Variants in TP53AIP1 observed in about 807,000 individuals in gnomAD.
TP53AIP1 encodes p53-regulated apoptosis-inducing protein 1.
A neutral mutation model predicts 9.5 loss-of-function variants in TP53AIP1; 14 were observed. That is an observed-to-expected ratio of 1.47 (90% CI 0.97 to 2.30). TP53AIP1 has a LOEUF of 2.30. Ranked by LOEUF, TP53AIP1 falls within the 30% of genes most tolerant of loss-of-function variation. The pLI is 0.00. For missense variants in TP53AIP1, 153 were observed against 146.7 expected (o/e 1.04, Z -0.22); for synonymous variants, 73 against 61.2 (o/e 1.19, Z -0.90).
intron 1 of TP53AIP1, among the ~76,000 whole-genome samples, chr11:128,942,048 C>T (rs1307579136): frequency 6.6e-6 from 1 of 152,174 alleles, no homozygotes; most frequent in African/African-American, 2.4e-5. Context: ...CACTCTGCAT[C>T]CCCATACCTG....
chr11:128,942,355 G>A (rs745679240), intron 1 of TP53AIP1, among the ~76,000 whole-genome samples: 4 of 152,214 alleles, frequency 2.6e-5, no homozygotes, highest in Non-Finnish European at 5.9e-5. Context: ...ACCAGGGGAC[G>A]TGAGAAAGGG....
chr11:128,940,163 C>A (rs577562129), intron 1 of TP53AIP1, among the ~76,000 whole-genome samples: 1 of 152,158 alleles, frequency 6.6e-6, no homozygotes. Context: ...CCTTGGAGCC[C>A]CTGCACAGGA....
chr11:128,935,113 G>T, downstream of TP53AIP1: 2 of 712,072 alleles, frequency 2.8e-6, no homozygotes, highest in South Asian at 3.0e-5. Flanking sequence ...CAGCAGGAAT[G>T]ACTGTCCACT....
chr11:128,941,614 A>T (rs1226013182), intron 1 of TP53AIP1, among the ~76,000 whole-genome samples: 1 of 152,122 alleles, frequency 6.6e-6, no homozygotes, highest in Non-Finnish European at 1.5e-5. Context: ...CCCGGTTCCG[A>T]CATTTCTTTC....
intron 3 of TP53AIP1, chr11:128,936,143 T>G: frequency 9.8e-7 from 1 of 1,021,378 alleles, no homozygotes; most frequent in Non-Finnish European, 1.2e-6. Context: ...AGTGGTAGAG[T>G]CAGGATTTGA....
At chr11:128,938,956 A>G (rs1394660732) in intron 1 of TP53AIP1, among the ~76,000 whole-genome samples, 1 of 151,670 alleles carries the variant, frequency 6.6e-6, no homozygotes, top group Non-Finnish European at 1.5e-5. Flanking sequence ...GTCGCTTCCC[A>G]CCCTCCCCAT....
intron 3 of TP53AIP1, chr11:128,936,032 A>G: frequency 1.2e-6 from 1 of 802,948 alleles, no homozygotes; most frequent in Non-Finnish European, 1.6e-6. Context: ...TTACCCACAC[A>G]GTGAATCTGT....
At chr11:128,941,132 T>C (rs748676363) in intron 1 of TP53AIP1, among the ~76,000 whole-genome samples, 1 of 152,224 alleles carries the variant, frequency 6.6e-6, no homozygotes, top group Non-Finnish European at 1.5e-5. Flanking sequence ...GGGGGCCGTG[T>C]TCTCTGAGGA....
intron 1 of TP53AIP1, among the ~76,000 whole-genome samples, chr11:128,938,417 TCCTGCTCTCTCTCCCACTCA>T (rs1266710169): frequency 6.6e-6 from 1 of 152,144 alleles, no homozygotes; most frequent in African/African-American, 2.4e-5. Context: ...GCCTTCTCTG[TCCTGCTCTCTCTCCCACTCA>T]CCTGCTCAGA....
chr11:128,938,626 C>G (rs1476948809), intron 1 of TP53AIP1, among the ~76,000 whole-genome samples: 1 of 152,122 alleles, frequency 6.6e-6, no homozygotes. Flanking sequence ...CTCGCAAGTC[C>G]CCGGTGGCCC....
At chr11:128,940,425 G>A (rs1944918517) in intron 1 of TP53AIP1, among the ~76,000 whole-genome samples, 1 of 152,236 alleles carries the variant, frequency 6.6e-6, no homozygotes, top group South Asian at 2.1e-4. Context: ...AAGAGGTGGG[G>A]CCTTAAGAGG....
Position 128,935,410 on chromosome 11 carries a change from G to T in TP53AIP1, c.*181C>A. The T allele has an allele frequency of 7.1e-7, 1 of 1,417,144 alleles. No homozygotes were observed. The allele number at this position is 1,417,144 out of a possible 1,614,324, so 87.8% of individuals were successfully genotyped here. On this transcript the variant is annotated 3_prime_UTR_variant, in exon 4 of 4. Transcript: ENST00000531399. ...TATTTCAGATTTGGGGATACAGAAG[G>T]ATGCAAAATGAGGCAACCTAGCCAC...
chr11:128,938,424 C>G (rs376704362), intron 1 of TP53AIP1, among the ~76,000 whole-genome samples: 1 of 152,166 alleles, frequency 6.6e-6, no homozygotes, highest in Admixed American at 6.5e-5. Flanking sequence ...CTGTCCTGCT[C>G]TCTCTCCCAC....
At chr11:128,940,817 G>C (rs1944925641) in intron 1 of TP53AIP1, among the ~76,000 whole-genome samples, 2 of 152,230 alleles carry the variant, frequency 1.3e-5, no homozygotes, top group Non-Finnish European at 2.9e-5. Context: ...GGCATCAGGA[G>C]CACTGGCCCA....
At chr11:128,935,008 G>A, downstream of TP53AIP1, 1 of 703,006 alleles carries the variant, frequency 1.4e-6, no homozygotes, top group East Asian at 2.7e-5. Context: ...TCAGGATGAG[G>A]CAGCTCTGCA....
rs573517152 is a variant in TP53AIP1, at chr11:128,938,361, T to A, written c.-76-467A>T. Among the ~76,000 whole-genome samples, 40 of 152,192 alleles carry A rather than the reference T, an allele frequency of 2.6e-4. No individual in the cohort carries two copies. The South Asian group carries it at 4.2e-3, about 16-fold the overall frequency. On this transcript the variant is annotated intron_variant, in intron 1 of 3. Coordinates refer to ENST00000531399, the MANE Select transcript of TP53AIP1 (RefSeq NM_022112.3). ...TTCAGGGAAAGGAGTCTCAGAGAAC[T>A]CCACATCCGTGTGGAGTCAGACGGA... is the stretch of plus-strand genomic sequence containing the variant.
intron 1 of TP53AIP1, among the ~76,000 whole-genome samples, chr11:128,942,012 T>A (rs563866065): frequency 6.7e-6 from 1 of 149,952 alleles, no homozygotes; most frequent in Admixed American, 6.8e-5. Flanking sequence ...GAGGGTGCTA[T>A]CATCAATCTT....
In TP53AIP1 at chr11:128,939,768, G is replaced by A. The variant is rs75247870; in HGVS notation, c.-76-1874C>T. On this transcript the variant is annotated intron_variant, in intron 1 of 3. Transcript: ENST00000531399. The surrounding 1 kb of genome is among the most constrained non-coding windows in gnomAD (Gnocchi z 4.1). ...GACAGCTGCTTCTTTTGAAGAACTG[G>A]GCTATTCCCATGTAAAGCTGGCTGC... Among the ~76,000 whole-genome samples, 1,004 of 152,310 alleles carry A rather than the reference G, an allele frequency of 6.6e-3. 10 individuals carry two copies. The highest frequency in any genetic ancestry group is 0.018 in the African/African-American group (732 of 41,560).
In TP53AIP1 at chr11:128,937,631, G is replaced by T. The variant is rs755731715; in HGVS notation, c.141+47C>A. The T allele has an allele frequency of 5.6e-6, 9 of 1,614,184 alleles. No individual in the cohort carries two copies. In the South Asian group the frequency reaches 6.6e-5, roughly 12 times the overall value. ...ACGGTGAGAGCAGAGTCTGCCCGGG[G>T]CTGTGGCAGGCAAAAGACCGTCTCG... is the stretch of plus-strand genomic sequence containing the variant. On this transcript the variant is annotated intron_variant, in intron 2 of 3. Coordinates refer to ENST00000531399, the MANE Select transcript of TP53AIP1 (RefSeq NM_022112.3). The surrounding 1 kb of genome is among the most constrained non-coding windows in gnomAD (Gnocchi z 4.8).
Sources: allele counts gnomAD v4.1 joint callset (sites outside exome capture counted in the v4.1 genomes callset), GRCh38; gene constraint gnomAD v4.1.1; non-coding constraint Gnocchi (gnomAD v3.1); transcripts MANE v1.5; gene names NCBI Gene and HGNC (gene_info 2026-07-23, HGNC 2026-07-21).